Variants in SPRED2 observed in about 807,000 individuals in gnomAD.
The protein encoded by SPRED2 is sprouty-related, EVH1 domain-containing protein 2.
Under a neutral mutation model 43.0 loss-of-function variants are expected in SPRED2, and 47 were observed. The ratio of observed to expected loss-of-function variants is 1.09; its 90% CI spans 0.87 to 1.40. SPRED2 has a LOEUF of 1.40. Ranked by LOEUF, SPRED2 falls within the 40% of genes most tolerant of loss-of-function variation. SPRED2 has a pLI of 0.00. For synonymous variants in SPRED2, 225 were observed against 225.7 expected, an observed-to-expected ratio of 1.00 and a Z score of 0.03; for missense variants, 561 against 586.4, an observed-to-expected ratio of 0.96 and a Z score of 0.45.
At chr2:65,407,992 G>T (rs948922049) in intron 1 of SPRED2, among the ~76,000 whole-genome samples, 1 of 152,088 alleles carries the variant, frequency 6.6e-6, no homozygotes, top group African/African-American at 2.4e-5. Context: ...GTGTAGAGAG[G>T]CATTCCCTAA....
At chr2:65,377,939 G>C in intron 1 of SPRED2, 1 of 297,390 alleles carries the variant, frequency 3.4e-6, no homozygotes, top group Non-Finnish European at 6.8e-6. Flanking sequence ...TTACCAAAGG[G>C]AACATGCCTT....
chr2:65,367,143 T>C, intron 1 of SPRED2, among the ~76,000 whole-genome samples: 1 of 152,196 alleles, frequency 6.6e-6, no homozygotes, highest in East Asian at 1.9e-4. Flanking sequence ...ATTCTTGTGC[T>C]GTGAGGTTAC....
In SPRED2 at chr2:65,316,867, G is replaced by C; in HGVS notation, c.455C>G (p.Ser152Cys). The change falls in exon 5 of 6, where the codon TCT (serine) becomes TGT (cysteine). Residue 152 changes from serine to cysteine, a missense_variant. Physicochemically the swap from Ser to Cys is moderately radical, Grantham distance 112. This residue lies in a region of SPRED2 where 305 missense variants were observed against 282.4 expected (regional missense o/e 1.08). Transcript: ENST00000356388. The stretch of plus-strand genomic sequence containing the variant: ...CTCTCTCTTCTGAGAGGAATTAGAA[G>C]AACTGTCTGTAGCTGTCTGTGTAGA... The part of the protein sequence containing the change: ...DDVFTTATDS[S>C]SNSSQKREQP... 1 of 1,613,898 alleles carries C rather than the reference G, an allele frequency of 6.2e-7. No homozygotes were observed. The highest frequency in any genetic ancestry group is 8.5e-7 in the Non-Finnish European group (1 of 1,179,976).
At chr2:65,309,354 CAGTT>C (rs982582250), downstream of SPRED2, among the ~76,000 whole-genome samples, 11 of 151,066 alleles carry the variant, frequency 7.3e-5, no homozygotes, top group Admixed American at 2.6e-4. Flanking sequence ...AATTTAAAAA[CAGTT>C]AGCTGGGCAT....
In SPRED2 at chr2:65,334,602, T is replaced by A. The variant is rs1673908915; in HGVS notation, c.373+3A>T. ...ACTAAGAATGCAGCGACAAGTTCAATACCTTCTATAAGGTCTTCGATTGCT... is the reference window on the plus strand; with the variant it reads ...ACTAAGAATGCAGCGACAAGTTCAAAACCTTCTATAAGGTCTTCGATTGCT... On this transcript the variant is annotated splice_donor_region_variant and intron_variant, in intron 3 of 5. Transcript: ENST00000356388. 6.2e-7 allele frequency: 1 copy of A among 1,613,974 alleles called. No individual in the cohort carries two copies. Among genetic ancestry groups the A allele is most frequent in the Non-Finnish European group, 8.5e-7 (1 of 1,179,956 alleles).
At chr2:65,334,569 A>G in intron 3 of SPRED2, 36 bp downstream of exon 3, 1 of 1,602,490 alleles carries the variant, frequency 6.2e-7, no homozygotes, top group Non-Finnish European at 8.5e-7. Flanking sequence ...GAACATTTCC[A>G]TAGTCCCACT....
intron 1 of SPRED2, among the ~76,000 whole-genome samples, chr2:65,390,955 G>A (rs992687143): frequency 6.6e-6 from 1 of 151,908 alleles, no homozygotes; most frequent in Non-Finnish European, 1.5e-5. Context: ...GGGTGTGGGG[G>A]TGCATGCCTG....
chr2:65,328,258 G>C (rs887010348), intron 4 of SPRED2, among the ~76,000 whole-genome samples: 1 of 152,104 alleles, frequency 6.6e-6, no homozygotes, highest in Non-Finnish European at 1.5e-5. Flanking sequence ...AGATGGCTGA[G>C]GTCTTAAGCC....
At chr2:65,405,674 G>A (rs765925071) in intron 1 of SPRED2, among the ~76,000 whole-genome samples, 7 of 152,136 alleles carry the variant, frequency 4.6e-5, no homozygotes, top group East Asian at 1.9e-4. Context: ...GGAGTGATAC[G>A]GCACTGCAAT....
At chr2:65,343,511 G>A (rs1278398714) in intron 2 of SPRED2, among the ~76,000 whole-genome samples, 1 of 152,170 alleles carries the variant, frequency 6.6e-6, no homozygotes, top group South Asian at 2.1e-4. Context: ...AGATGCTGCT[G>A]TAAAGGGTCT....
intron 4 of SPRED2, among the ~76,000 whole-genome samples, chr2:65,323,846 A>C (rs1673512621): frequency 6.6e-6 from 1 of 152,124 alleles, no homozygotes; most frequent in African/African-American, 2.4e-5. Flanking sequence ...ACTGCACTCC[A>C]GCCTGGGCGA....
intron 1 of SPRED2, among the ~76,000 whole-genome samples, chr2:65,396,815 A>G (rs968012342): frequency 3.3e-5 from 5 of 152,248 alleles, no homozygotes; most frequent in African/African-American, 1.2e-4. Flanking sequence ...TGATGCAAAC[A>G]GCCCTCAGTG....
chr2:65,343,411 C>G (rs1674247007), intron 2 of SPRED2, among the ~76,000 whole-genome samples: 1 of 152,172 alleles, frequency 6.6e-6, no homozygotes, highest in South Asian at 2.1e-4. Context: ...ACAAATTGTT[C>G]TGTCTTATCT....
At chr2:65,373,738 AT>A (rs1361915859) in intron 1 of SPRED2, 1 of 151,858 alleles carries the variant, frequency 6.6e-6, no homozygotes, top group East Asian at 1.9e-4. Flanking sequence ...TTTCTTTTTC[AT>A]TTTTCCTTTT....
intron 1 of SPRED2, among the ~76,000 whole-genome samples, chr2:65,354,282 G>A (rs145976691): frequency 3.4e-4 from 52 of 152,220 alleles, no homozygotes; most frequent in African/African-American, 8.9e-4. Flanking sequence ...CAATTTTAGC[G>A]GCAAATCTAT....
intron 1 of SPRED2, among the ~76,000 whole-genome samples, 192 bp downstream of exon 1, chr2:65,431,770 C>A (rs1676701765): frequency 6.6e-6 from 1 of 152,214 alleles, no homozygotes; most frequent in South Asian, 2.1e-4. Context: ...GTGCGCCCGC[C>A]AGCCCGCAGC....
intron 1 of SPRED2, among the ~76,000 whole-genome samples, chr2:65,422,112 TC>T (rs1676442971): frequency 5.5e-5 from 5 of 90,706 alleles, no homozygotes; most frequent in Non-Finnish European, 1.3e-4. Context: ...ACACTCTCTC[TC>T]TCTCTCTCTC....
chr2:65,398,653 C>G (rs1403316788), intron 1 of SPRED2, among the ~76,000 whole-genome samples: 1 of 152,176 alleles, frequency 6.6e-6, no homozygotes, highest in Admixed American at 6.5e-5. Flanking sequence ...CAATGCAAAT[C>G]AAAACCACAA....
At chr2:65,322,289 TATATA>T (rs1428401380) in intron 4 of SPRED2, among the ~76,000 whole-genome samples, 1,835 of 97,900 alleles carry the variant, frequency 0.019, 128 homozygotes, top group East Asian at 0.095. Flanking sequence ...TATATATATA[TATATA>T]TTTTTTTTTT....
Sources: allele counts gnomAD v4.1 joint callset (sites outside exome capture counted in the v4.1 genomes callset), GRCh38; gene constraint gnomAD v4.1.1; regional missense constraint gnomAD v4.1.1; transcripts MANE v1.5; gene names NCBI Gene and HGNC (gene_info 2026-07-23, HGNC 2026-07-21).